CPPED1: variants seen among roughly 807,000 people sequenced by gnomAD.
CPPED1 encodes calcineurin like phosphoesterase domain containing 1, also known as serine/threonine-protein phosphatase CPPED1.
Under a neutral mutation model 28.0 loss-of-function variants are expected in CPPED1, and 28 were observed. The observed-to-expected ratio is 1.00, with a 90% CI of 0.74 to 1.37. CPPED1 has a LOEUF of 1.37. Ranked by LOEUF, CPPED1 falls within the 40% of genes most tolerant of loss-of-function variation. The pLI, the probability that CPPED1 is intolerant of heterozygous loss-of-function variation, is 0.00. For synonymous variants in CPPED1, 198 were observed against 180.2 expected (o/e 1.10, Z -0.79); for missense variants, 504 against 416.5 (o/e 1.21, Z -1.83).
Position 12,712,993 on chromosome 16 carries a change from A to C in CPPED1, c.290-7944T>G, listed in dbSNP as rs1233921935. ...AAGTATACATTTAAATAAAATGGGA[A>C]CAAATGTAAAACAAGTGACAAGGCC... On this transcript the variant is annotated intron_variant, in intron 2 of 3. Coordinates refer to ENST00000381774, the MANE Select transcript of CPPED1 (RefSeq NM_018340.3). 3.9e-5 allele frequency among the ~76,000 whole-genome samples: 6 copies of C among 152,230 alleles called. No homozygotes were observed. The East Asian group carries it at 1.2e-3, about 29-fold the overall frequency.
chr16:12,664,584 A>AT lies in CPPED1; in HGVS notation c.*301dup. 1.7e-6 allele frequency: 2 copies of AT among 1,187,860 alleles called. No homozygotes were observed. The highest frequency in any genetic ancestry group is 2.1e-6 in the Non-Finnish European group (2 of 958,576). 73.6% of individuals were successfully genotyped at this position (1,187,860 alleles called of 1,614,324 possible). A position where few individuals can be genotyped will look rare whatever the true frequency, so the allele number is the denominator to read the frequency against. On this transcript the variant is annotated 3_prime_UTR_variant, in exon 4 of 4. Coordinates refer to ENST00000381774, the MANE Select transcript of CPPED1 (RefSeq NM_018340.3). The surrounding 1 kb of genome is among the most constrained non-coding windows in gnomAD (Gnocchi z 4.2). ...CATATGCTAACCAGAATACAATCCAATTCAAAAGTGGAGTTGAGAAACACA... is the reference window on the plus strand; with the variant it reads ...CATATGCTAACCAGAATACAATCCAATTTCAAAAGTGGAGTTGAGAAACACA...
chr16:12,776,983 G>A (rs764325168), intron 2 of CPPED1, among the ~76,000 whole-genome samples: 13 of 152,186 alleles, frequency 8.5e-5, no homozygotes, highest in Non-Finnish European at 1.8e-4. Flanking sequence ...ACGTGGAACT[G>A]TGAGGCAATT....
rs545114769 is a variant in CPPED1 at position 12,756,423 on chromosome 16, G to A, written c.289+24762C>T. Among the ~76,000 whole-genome samples the A allele has an allele frequency of 1.8e-4, 27 of 152,210 alleles. No homozygotes were observed. In the South Asian group the frequency reaches 4.2e-3, roughly 23 times the overall value. ...CATTTAAGAACAGTGAGCCAGGTGC[G>A]GTGGCTCATGTCTGTAATTCCAGCA... On this transcript the variant is annotated intron_variant, in intron 2 of 3. Transcript: ENST00000381774.
At chr16:12,731,359 T>A (rs529054964) in intron 2 of CPPED1, among the ~76,000 whole-genome samples, 1 of 149,812 alleles carries the variant, frequency 6.7e-6, no homozygotes, top group Non-Finnish European at 1.5e-5. Context: ...TTCACTGCAT[T>A]AGAAAAATTT....
At chr16:12,740,353 G>C (rs1032986479) in intron 2 of CPPED1, among the ~76,000 whole-genome samples, 1 of 151,496 alleles carries the variant, frequency 6.6e-6, no homozygotes, top group Non-Finnish European at 1.5e-5. Context: ...GCTGAGGTGG[G>C]AGAATCTCTT....
At chr16:12,740,300 C>G (rs570410652) in intron 2 of CPPED1, among the ~76,000 whole-genome samples, 1 of 151,884 alleles carries the variant, frequency 6.6e-6, no homozygotes, top group Admixed American at 6.6e-5. Flanking sequence ...CAAAAATTAG[C>G]CGGGCATGAC....
At chr16:12,785,486 GCTGCAATCTCTGCTTA>G (rs957522141) in intron 1 of CPPED1, among the ~76,000 whole-genome samples, 12 of 141,726 alleles carry the variant, frequency 8.5e-5, no homozygotes, top group Non-Finnish European at 1.7e-4. Context: ...CCAGTGCAAT[GCTGCAATCTCTGCTTA>G]CTGCAATCTC....
At chr16:12,703,883 G>A (rs1056194747) in intron 3 of CPPED1, among the ~76,000 whole-genome samples, 2 of 152,160 alleles carry the variant, frequency 1.3e-5, no homozygotes, top group Non-Finnish European at 2.9e-5. Context: ...GTGCCTTAGA[G>A]TGCCATCAGA....
intron 2 of CPPED1, among the ~76,000 whole-genome samples, chr16:12,737,925 G>C (rs1178573508): frequency 6.6e-6 from 1 of 152,188 alleles, no homozygotes; most frequent in Non-Finnish European, 1.5e-5. Context: ...ATTTTTTAAA[G>C]TATAAAAATT....
rs1486231432 is a variant in CPPED1, at chr16:12,696,232, A to C, written c.715+8392T>G. Among the ~76,000 whole-genome samples the C allele has an allele frequency of 2.0e-5, 3 of 152,104 alleles. 1 individual carries two copies. The highest frequency in any genetic ancestry group is 4.4e-5 in the Non-Finnish European group (3 of 68,008). On this transcript the variant is annotated intron_variant, in intron 3 of 3. Coordinates refer to ENST00000381774, the MANE Select transcript of CPPED1 (RefSeq NM_018340.3). ...TCAGCAGGCAGCAGGCATGTCCCCA[A>C]ACCAGGTCCGCCTGTCCTGGAGATT...
rs540999110 is a variant in CPPED1 at position 12,767,818 on chromosome 16, G to T, written c.289+13367C>A. On this transcript the variant is annotated intron_variant, in intron 2 of 3. Transcript: ENST00000381774. ...ACTAAAATATAAAAATTAGCTGGGT[G>T]TGGGGGTGGGCACCTGTAGTCCCAG... is the stretch of plus-strand genomic sequence containing the variant. 5.9e-5 allele frequency among the ~76,000 whole-genome samples: 9 copies of T among 152,248 alleles called. No individual in the cohort carries two copies. The South Asian group carries it at 1.9e-3, about 32-fold the overall frequency.
chr16:12,743,635 TA>T (rs1191246361), intron 2 of CPPED1, among the ~76,000 whole-genome samples: 2 of 152,202 alleles, frequency 1.3e-5, no homozygotes, highest in African/African-American at 4.8e-5. Context: ...AAAAGTCATT[TA>T]TCTCAATGGA....
chr16:12,777,881 G>C (rs931220925), intron 2 of CPPED1, among the ~76,000 whole-genome samples: 7 of 149,406 alleles, frequency 4.7e-5, no homozygotes, highest in Admixed American at 1.3e-4. Context: ...AAAAAAAAAT[G>C]AAAGTTCTTT....
At chr16:12,714,616 C>T (rs1220322646) in intron 2 of CPPED1, among the ~76,000 whole-genome samples, 1 of 152,100 alleles carries the variant, frequency 6.6e-6, no homozygotes, top group Non-Finnish European at 1.5e-5. Flanking sequence ...AGATACTTTG[C>T]CCATTTTTCA....
chr16:12,741,175 G>A (rs945550031), intron 2 of CPPED1, among the ~76,000 whole-genome samples: 1 of 152,126 alleles, frequency 6.6e-6, no homozygotes, highest in Non-Finnish European at 1.5e-5. Context: ...TGGGCAGGAC[G>A]GCAGAGAGAG....
chr16:12,716,255 G>A (rs894485629), intron 2 of CPPED1, among the ~76,000 whole-genome samples: 2 of 152,174 alleles, frequency 1.3e-5, no homozygotes, highest in African/African-American at 2.4e-5. Flanking sequence ...TAGCGCTAAC[G>A]CTGGTGCTGC....
rs538633719 is a variant in CPPED1 at position 12,771,489 on chromosome 16, CA to C, written c.289+9695del. On this transcript the variant is annotated intron_variant, in intron 2 of 3. Coordinates refer to ENST00000381774, the MANE Select transcript of CPPED1 (RefSeq NM_018340.3). ...ACGGACACACAGACACACACACCCC[CA>C]CTGCCCTTTAGGAACTTGGAACTAA... 4.6e-5 allele frequency among the ~76,000 whole-genome samples: 7 copies of C among 152,338 alleles called. No homozygotes were observed. In the East Asian group the frequency reaches 9.6e-4, roughly 21 times the overall value.
intron 1 of CPPED1, among the ~76,000 whole-genome samples, chr16:12,797,871 G>A (rs2080636936): frequency 1.3e-5 from 2 of 151,924 alleles, no homozygotes; most frequent in African/African-American, 4.8e-5. Flanking sequence ...CTTCAGTTCA[G>A]GAGTTCAAGA....
chr16:12,720,133 C>A (rs901244562), intron 2 of CPPED1, among the ~76,000 whole-genome samples: 1 of 152,094 alleles, frequency 6.6e-6, no homozygotes, highest in African/African-American at 2.4e-5. Flanking sequence ...GCCTTCACAC[C>A]GATCCTGTCT....
Sources: gnomAD v4.1 joint callset for allele counts (sites outside exome capture counted in the v4.1 genomes callset) on GRCh38, gnomAD v4.1.1 for gene constraint, Gnocchi (gnomAD v3.1) non-coding constraint, MANE v1.5 for transcripts, NCBI Gene and HGNC (gene_info 2026-07-23, HGNC 2026-07-21) for gene names.